Variants in EPHA6 observed in about 807,000 individuals in gnomAD.
The protein encoded by EPHA6 is ephrin type-A receptor 6.
A neutral mutation model predicts 112.0 loss-of-function variants in EPHA6; 50 were observed. The observed-to-expected ratio is 0.45, with a 90% CI of 0.36 to 0.56. The LOEUF (loss-of-function observed/expected upper bound fraction) is 0.56, where lower values mean the gene tolerates loss of function less well. Ranked by LOEUF, EPHA6 falls within the 20% of genes least tolerant of loss-of-function variation. The pLI is 0.00. For missense variants in EPHA6, 1,280 were observed against 1,417.4 expected (o/e 0.90, Z 1.56); for synonymous variants, 529 against 490.7 (o/e 1.08, Z -1.03).
intron 3 of EPHA6, among the ~76,000 whole-genome samples, chr3:97,151,319 G>A (rs1168267847): frequency 6.6e-6 from 1 of 151,988 alleles, no homozygotes; most frequent in African/African-American, 2.4e-5. Context: ...CACATATATT[G>A]TAATCATTGA....
At chr3:97,655,145 T>C (rs1281062692) in intron 14 of EPHA6, among the ~76,000 whole-genome samples, 2 of 148,854 alleles carry the variant, frequency 1.3e-5, no homozygotes, top group African/African-American at 4.9e-5. Flanking sequence ...CACATACATA[T>C]ATATGTTTTT....
intron 2 of EPHA6, among the ~76,000 whole-genome samples, chr3:96,892,516 C>G (rs1198525924): frequency 2.0e-5 from 3 of 152,150 alleles, no homozygotes; most frequent in Non-Finnish European, 4.4e-5. Flanking sequence ...ATCACTGCGC[C>G]TGGCCAAAAG....
chr3:96,958,834 T>C (rs1404795817), intron 2 of EPHA6, among the ~76,000 whole-genome samples: 2 of 152,230 alleles, frequency 1.3e-5, no homozygotes, highest in Non-Finnish European at 2.9e-5. Flanking sequence ...AGTGATTCTT[T>C]TTATTGTTTA....
intron 11 of EPHA6, among the ~76,000 whole-genome samples, chr3:97,572,968 C>G (rs1187813251): frequency 6.6e-6 from 1 of 152,164 alleles, no homozygotes; most frequent in Non-Finnish European, 1.5e-5. Context: ...AGCTCATGCT[C>G]TTTGATTACA....
chr3:96,974,480 CTTTT>C (rs200707051), intron 2 of EPHA6, among the ~76,000 whole-genome samples: 28 of 142,000 alleles, frequency 2.0e-4, no homozygotes, highest in African/African-American at 6.7e-4. Flanking sequence ...TCCTCTGTCT[CTTTT>C]TTTTTTTAAT....
chr3:97,046,314 G>T (rs1404158734), intron 3 of EPHA6, among the ~76,000 whole-genome samples: 1 of 152,046 alleles, frequency 6.6e-6, no homozygotes, highest in Non-Finnish European at 1.5e-5. Context: ...GCCAATTAAA[G>T]GAGAAATATG....
At chr3:97,311,887 T>G (rs922648699) in intron 5 of EPHA6, among the ~76,000 whole-genome samples, 1 of 150,748 alleles carries the variant, frequency 6.6e-6, no homozygotes, top group Non-Finnish European at 1.5e-5. Context: ...GAATTTTGAA[T>G]GAGAATACAC....
At chr3:97,737,372 G>T (rs1320485316) in intron 16 of EPHA6, among the ~76,000 whole-genome samples, 5 of 152,020 alleles carry the variant, frequency 3.3e-5, no homozygotes, top group Non-Finnish European at 7.4e-5. Context: ...AGCTAGAAAA[G>T]ATCAGGGCTT....
At chr3:96,826,843 G>C (rs1177814920) in intron 1 of EPHA6, among the ~76,000 whole-genome samples, 1 of 152,008 alleles carries the variant, frequency 6.6e-6, no homozygotes, top group East Asian at 1.9e-4. Flanking sequence ...GCACACATTG[G>C]TCGGTAGGCA....
At chr3:97,037,894 G>A (rs1162620511) in intron 3 of EPHA6, among the ~76,000 whole-genome samples, 1 of 152,030 alleles carries the variant, frequency 6.6e-6, no homozygotes, top group Non-Finnish European at 1.5e-5. Flanking sequence ...ACAAGGGTAT[G>A]ATGGCAAAAG....
intron 5 of EPHA6, among the ~76,000 whole-genome samples, chr3:97,300,521 T>C (rs2081051448): frequency 6.6e-6 from 1 of 152,174 alleles, no homozygotes; most frequent in Non-Finnish European, 1.5e-5. Context: ...ACAAATGTAG[T>C]AGGCAGTGGA....
chr3:97,536,589 C>T (rs913911624), intron 11 of EPHA6, among the ~76,000 whole-genome samples: 5 of 152,276 alleles, frequency 3.3e-5, no homozygotes, highest in Non-Finnish European at 7.4e-5. Flanking sequence ...CCCTTTAATA[C>T]TCAAGAATAT....
At chr3:97,551,483 A>G (rs1465415743) in intron 11 of EPHA6, among the ~76,000 whole-genome samples, 1 of 152,096 alleles carries the variant, frequency 6.6e-6, no homozygotes, top group Non-Finnish European at 1.5e-5. Context: ...CCTTTCATTT[A>G]CATGCAATTG....
intron 11 of EPHA6, among the ~76,000 whole-genome samples, chr3:97,573,259 A>C (rs1050661777): frequency 2.6e-5 from 4 of 152,208 alleles, no homozygotes; most frequent in Non-Finnish European, 5.9e-5. Context: ...TTGTGTACAA[A>C]GAGTTCATTA....
chr3:97,654,325 A>G (rs542039093), intron 14 of EPHA6, among the ~76,000 whole-genome samples: 2 of 152,022 alleles, frequency 1.3e-5, no homozygotes, highest in South Asian at 2.1e-4. Context: ...ATGCTATTGG[A>G]TAAGTAATTA....
intron 5 of EPHA6, among the ~76,000 whole-genome samples, chr3:97,355,663 G>A (rs1278563541): frequency 6.6e-6 from 1 of 152,118 alleles, no homozygotes; most frequent in Non-Finnish European, 1.5e-5. Context: ...AAAGTGGTAG[G>A]AGTAAGTCCT....
intron 2 of EPHA6, among the ~76,000 whole-genome samples, chr3:96,960,363 T>C (rs2041911009): frequency 6.6e-6 from 1 of 152,146 alleles, no homozygotes; most frequent in Non-Finnish European, 1.5e-5. Flanking sequence ...GAGATCTCTG[T>C]GCCTTAGTAC....
Position 96,965,815 on chromosome 3 carries a change from A to C in EPHA6, c.451-21515A>C, listed in dbSNP as rs182028332. Among the ~76,000 whole-genome samples the C allele has an allele frequency of 5.2e-3, 788 of 152,196 alleles. 10 individuals carry two copies. Among genetic ancestry groups the C allele is most frequent in the African/African-American group, 0.017 (723 of 41,556 alleles). On this transcript the variant is annotated intron_variant, in intron 2 of 17. Transcript: ENST00000389672. ...TAAATCAGTATTCTTTGAGGATCAA[A>C]CTTCTTATAAAGGGTTTATGTAGAG...
intron 12 of EPHA6, among the ~76,000 whole-genome samples, chr3:97,608,230 T>C (rs1016505149): frequency 2.0e-5 from 3 of 151,286 alleles, no homozygotes; most frequent in African/African-American, 7.2e-5. Flanking sequence ...TTTTTATTAT[T>C]CTTAATGAGA....
Sources: allele counts gnomAD v4.1 joint callset (sites outside exome capture counted in the v4.1 genomes callset), GRCh38; gene constraint gnomAD v4.1.1; transcripts MANE v1.5; gene names NCBI Gene and HGNC (gene_info 2026-07-23, HGNC 2026-07-21).